ZNF407: variants seen among roughly 807,000 people sequenced by gnomAD.
ZNF407 encodes the protein zinc finger protein 407.
Under a neutral mutation model 131.2 loss-of-function variants are expected in ZNF407, and 17 were observed. The observed-to-expected ratio is 0.13, with a 90% confidence interval of 0.09 to 0.19. ZNF407 has a LOEUF of 0.19. Ranked by LOEUF, ZNF407 falls within the 10% of genes least tolerant of loss-of-function variation. The probability of loss-of-function intolerance (pLI) is 1.00; values close to 1 mark genes in which losing one functional copy is unlikely to be tolerated. For synonymous variants in ZNF407, 1,156 were observed against 1,062.0 expected, an observed-to-expected ratio of 1.09 and a Z score of -1.72; for missense variants, 2,681 against 2,830.6, an observed-to-expected ratio of 0.95 and a Z score of 1.20.
chr18:74,804,355 A>G, intron 4 of ZNF407: 1 of 1,050,818 alleles, frequency 9.5e-7, no homozygotes, highest in Non-Finnish European at 1.1e-6. Flanking sequence ...TGACTGTCCA[A>G]TCAAAGTTTT....
chr18:74,776,747 G>T (rs141422456), intron 3 of ZNF407, among the ~76,000 whole-genome samples: 1 of 152,104 alleles, frequency 6.6e-6, no homozygotes, highest in Admixed American at 6.5e-5. Context: ...GCCTATTGTC[G>T]ATCAGAAGCC....
intron 7 of ZNF407, 32 bp downstream of exon 7, chr18:74,890,070 G>T (rs1161998381): frequency 2.0e-6 from 3 of 1,475,494 alleles, no homozygotes; most frequent in Admixed American, 2.7e-5. Context: ...GTCAAATCAG[G>T]TGGGCCGCCA....
chr18:74,658,658 CTG>C (rs1985583841), intron 3 of ZNF407, among the ~76,000 whole-genome samples: 1 of 152,142 alleles, frequency 6.6e-6, no homozygotes, highest in South Asian at 2.1e-4. Flanking sequence ...TCTTTACAAA[CTG>C]TTTCAACCTA....
chr18:75,008,841 T>A (rs966504025), intron 8 of ZNF407, among the ~76,000 whole-genome samples: 1 of 152,344 alleles, frequency 6.6e-6, no homozygotes, highest in South Asian at 2.1e-4. Flanking sequence ...CATAAAGATA[T>A]AATTTTTTTC....
chr18:75,060,720 T>G (rs1973622147), intron 8 of ZNF407, among the ~76,000 whole-genome samples: 2 of 151,770 alleles, frequency 1.3e-5, no homozygotes, highest in African/African-American at 4.8e-5. Context: ...TTAGCCAGGA[T>G]GGTCTCGATC....
In ZNF407 at chr18:75,063,937, A is replaced by G. The variant is rs765672588; in HGVS notation, c.6216A>G (p.Ala2072=). 1.2e-6 allele frequency: 2 copies of G among 1,613,598 alleles called. No individual in the cohort carries two copies. The highest frequency in any genetic ancestry group is 1.1e-5 in the South Asian group (1 of 91,066). ...PSAAMASQER[A]QVAFKKMVQG... is the part of the protein sequence containing the mutation. Reference sequence around the variant, plus strand: ...CAGCCATGGCCTCTCAGGAGCGGGCACAGGTGGCCTTCAAGAAGATGGTCC... The same window carrying G: ...CAGCCATGGCCTCTCAGGAGCGGGCGCAGGTGGCCTTCAAGAAGATGGTCC... Residue 2072 remains alanine, a synonymous_variant, in exon 9 of 9, where the codon GCA becomes GCG. Coordinates refer to ENST00000299687, the MANE Select transcript of ZNF407 (RefSeq NM_017757.3). This position sits in a 1 kb window ranked among gnomAD's most constrained non-coding sequence, Gnocchi z 6.6.
At chr18:74,941,428 T>C (rs1201994445) in intron 8 of ZNF407, among the ~76,000 whole-genome samples, 3 of 152,310 alleles carry the variant, frequency 2.0e-5, no homozygotes, top group South Asian at 4.1e-4. Flanking sequence ...CCTGCTTTCA[T>C]GTAGCTCCAG....
chr18:75,048,129 T>C lies in ZNF407; in HGVS notation c.5429-15021T>C, dbSNP rs1973457105. 1.3e-5 allele frequency among the ~76,000 whole-genome samples: 2 copies of C among 152,200 alleles called. No individual in the cohort carries two copies. The highest frequency in any genetic ancestry group is 1.5e-5 in the Non-Finnish European group (1 of 68,036). The stretch of plus-strand genomic sequence containing the variant: ...AAATGACCAGAATCATAGACTCAGA[T>C]CCTAATGCAGCTGAAGCTGACACCT... On this transcript the variant is annotated intron_variant, in intron 8 of 8. Transcript: ENST00000299687. This position sits in a 1 kb window ranked among gnomAD's most constrained non-coding sequence, Gnocchi z 4.1.
chr18:74,695,854 G>A (rs1967341578), intron 3 of ZNF407, among the ~76,000 whole-genome samples: 1 of 150,376 alleles, frequency 6.6e-6, no homozygotes, highest in South Asian at 2.1e-4. Flanking sequence ...TTGTTGGCAT[G>A]CTTTACAAGC....
chr18:74,647,845 G>T (rs1431123067), intron 3 of ZNF407, among the ~76,000 whole-genome samples: 3 of 152,174 alleles, frequency 2.0e-5, no homozygotes, highest in African/African-American at 7.2e-5. Flanking sequence ...ACAAGGCTGG[G>T]AGGACGAGCT....
intron 3 of ZNF407, among the ~76,000 whole-genome samples, chr18:74,753,560 C>T (rs1968856975): frequency 6.6e-6 from 1 of 152,138 alleles, no homozygotes. Context: ...GAGTTTTTAG[C>T]ATGAAGGGCT....
chr18:74,832,047 G>C (rs1266471657), intron 4 of ZNF407, among the ~76,000 whole-genome samples: 1 of 152,150 alleles, frequency 6.6e-6, no homozygotes, highest in Non-Finnish European at 1.5e-5. Flanking sequence ...CACTTCTCTT[G>C]GCTTTGATCC....
chr18:74,643,875 T>C (rs956379273), intron 3 of ZNF407, among the ~76,000 whole-genome samples: 1 of 151,994 alleles, frequency 6.6e-6, no homozygotes, highest in African/African-American at 2.4e-5. Flanking sequence ...CTTTGAATCT[T>C]CAGGATCAGT....
chr18:74,763,125 T>A (rs1370984081), intron 3 of ZNF407, among the ~76,000 whole-genome samples: 1 of 150,732 alleles, frequency 6.6e-6, no homozygotes, highest in East Asian at 1.9e-4. Flanking sequence ...CCATTTTTAT[T>A]AGATAAGTAG....
chr18:74,804,974 T>G (rs1970086645), intron 4 of ZNF407, among the ~76,000 whole-genome samples: 2 of 152,238 alleles, frequency 1.3e-5, no homozygotes, highest in South Asian at 4.1e-4. Context: ...TGAATTCAGC[T>G]ACCGTTGTTT....
At chr18:74,761,797 G>T (rs1352875719) in intron 3 of ZNF407, among the ~76,000 whole-genome samples, 1 of 151,726 alleles carries the variant, frequency 6.6e-6, no homozygotes, top group African/African-American at 2.4e-5. Flanking sequence ...TGGTAATTTT[G>T]GTATTTTTAG....
At chr18:74,706,073 T>G (rs745772048) in intron 3 of ZNF407, among the ~76,000 whole-genome samples, 1 of 152,212 alleles carries the variant, frequency 6.6e-6, no homozygotes, top group Non-Finnish European at 1.5e-5. Flanking sequence ...CATATACATA[T>G]CAGTGCACTG....
intron 7 of ZNF407, chr18:74,898,268 A>G (rs1971479012): frequency 6.6e-6 from 1 of 152,202 alleles, no homozygotes; most frequent in Non-Finnish European, 1.5e-5. Context: ...CTTTAAGACA[A>G]TATTATATCT....
chr18:75,057,993 G>T (rs899183639), intron 8 of ZNF407, among the ~76,000 whole-genome samples: 2 of 152,086 alleles, frequency 1.3e-5, no homozygotes, highest in East Asian at 3.9e-4. Context: ...TTATTCTGTG[G>T]GAACAAATGA....
Sources: allele counts gnomAD v4.1 joint callset (sites outside exome capture counted in the v4.1 genomes callset), GRCh38; gene constraint gnomAD v4.1.1; non-coding constraint Gnocchi (gnomAD v3.1); transcripts MANE v1.5; gene names NCBI Gene and HGNC (gene_info 2026-07-23, HGNC 2026-07-21).